ZNF385A: variants seen among roughly 807,000 people sequenced by gnomAD.
ZNF385A encodes the protein zinc finger protein 385A.
A neutral mutation model predicts 32.1 loss-of-function variants in ZNF385A; 14 were observed. The ratio of observed to expected loss-of-function variants is 0.44; its 90% CI spans 0.29 to 0.68. ZNF385A has a LOEUF of 0.68. ZNF385A is among the 30% of genes least tolerant of loss of function. The pLI is 0.14. For missense variants in ZNF385A, 406 were observed against 478.4 expected (o/e 0.85, Z 1.41); for synonymous variants, 197 against 202.7 (o/e 0.97, Z 0.24).
At chr12:54,374,851 C>T (rs190531465) in intron 2 of ZNF385A, among the ~76,000 whole-genome samples, 10 of 152,272 alleles carry the variant, frequency 6.6e-5, no homozygotes, top group Non-Finnish European at 1.5e-4. Context: ...GACAGGATGC[C>T]TGGGGTCCAA....
Position 54,371,084 on chromosome 12 carries a change from T to C in ZNF385A, c.617A>G (p.Lys206Arg). The C allele has an allele frequency of 1.2e-6, 2 of 1,607,506 alleles. No homozygotes were observed. Among genetic ancestry groups the C allele is most frequent in the Non-Finnish European group, 1.7e-6 (2 of 1,177,538 alleles). Residue 206 changes from lysine (K) to arginine (R), a missense_variant, in exon 5 of 7, where the codon AAG becomes AGG. Coordinates refer to ENST00000394313, the MANE Select transcript of ZNF385A (RefSeq NM_015481.3). ...LEAHNKGTKH[K>R]TILEARSGLG... ...CCCACTTCGGGCCTCCAGAATTGTCTTGTGCTTAGTACCTGGAGCCCAGAG... is the reference window on the plus strand; with the variant it reads ...CCCACTTCGGGCCTCCAGAATTGTCCTGTGCTTAGTACCTGGAGCCCAGAG...
At position 54,383,669 on chromosome 12, in the gene ZNF385A, C is replaced by T. The variant is rs190103254; in HGVS notation, c.87+759G>A. Among the ~76,000 whole-genome samples, 319 of 152,154 alleles carry T rather than the reference C, an allele frequency of 2.1e-3. 2 individuals carry two copies. In the East Asian group the frequency reaches 0.041, roughly 20 times the overall value. ...CAGCACTTTGGGAGGCTGAGGCAGG[C>T]GGATCACCTGAGGTCAGGAGTTTGA... On this transcript the variant is annotated intron_variant, in intron 1 of 6. Coordinates refer to ENST00000394313, the MANE Select transcript of ZNF385A (RefSeq NM_015481.3).
chr12:54,387,281 G>A (rs1477609819), upstream of ZNF385A, among the ~76,000 whole-genome samples: 1 of 152,172 alleles, frequency 6.6e-6, no homozygotes, highest in Admixed American at 6.5e-5. Context: ...GTGAGCGGGG[G>A]AGGGGAGGGG....
intron 1 of ZNF385A, among the ~76,000 whole-genome samples, chr12:54,390,548 A>G (rs888390024): frequency 5.3e-5 from 8 of 150,974 alleles, no homozygotes; most frequent in Non-Finnish European, 1.2e-4. Context: ...AGGGAGAGAG[A>G]GGGGCAGGTC....
chr12:54,385,375 C>T (rs1955424082), upstream of ZNF385A: 1 of 152,374 alleles, frequency 6.6e-6, no homozygotes, highest in Non-Finnish European at 1.5e-5. Context: ...ACCTTCTCCT[C>T]CTCCTCTCAG....
chr12:54,389,899 G>A (rs191911161), intron 1 of ZNF385A, among the ~76,000 whole-genome samples: 25 of 152,150 alleles, frequency 1.6e-4, no homozygotes, highest in African/African-American at 6.0e-4. Context: ...CCATTCAATA[G>A]ATAGGTGGAG....
intron 1 of ZNF385A, chr12:54,381,210 GAAAAAGAAAAAAAGAA>G (rs1315691040): frequency 8.2e-6 from 1 of 122,426 alleles, no homozygotes; most frequent in African/African-American, 3.2e-5. Flanking sequence ...AAAAAAAAAA[GAAAAAGAAAAAAAGAA>G]AAAAAGAAAA....
At chr12:54,379,569 CTT>C (rs1453741205) in intron 1 of ZNF385A, among the ~76,000 whole-genome samples, 1 of 152,108 alleles carries the variant, frequency 6.6e-6, no homozygotes, top group Non-Finnish European at 1.5e-5. Context: ...CCAGACGACC[CTT>C]CCCCAGCTTC....
Position 54,371,666 on chromosome 12 carries a change from C to T in ZNF385A, c.411G>A (p.Gln137=). ...LGPAPGSPEK[Q]PGSPSPPSIP... is the part of the protein sequence containing the mutation. Reference sequence around the variant, plus strand: ...TGCTGGGAGGGGATGGGGAGCCAGGCTGTTTCTCTGGGGATCCTGGGGCTG... The same window carrying T: ...TGCTGGGAGGGGATGGGGAGCCAGGTTGTTTCTCTGGGGATCCTGGGGCTG... Residue 137 remains glutamine (Q), a synonymous_variant, in exon 4 of 7, where the codon CAG becomes CAA. Coordinates refer to ENST00000394313, the MANE Select transcript of ZNF385A (RefSeq NM_015481.3). 1.9e-6 allele frequency: 3 copies of T among 1,609,928 alleles called. No homozygotes were observed. Among genetic ancestry groups the T allele is most frequent in the Non-Finnish European group, 2.5e-6 (3 of 1,178,748 alleles).
intron 1 of ZNF385A, chr12:54,391,183 C>G: frequency 6.8e-7 from 1 of 1,470,506 alleles, no homozygotes; most frequent in South Asian, 1.3e-5. Flanking sequence ...GGTGGGTGAC[C>G]CACAGAGAGG....
chr12:54,382,897 G>A lies in ZNF385A; in HGVS notation c.87+1531C>T, dbSNP rs543707874. On this transcript the variant is annotated intron_variant, in intron 1 of 6. Coordinates refer to ENST00000394313, the MANE Select transcript of ZNF385A (RefSeq NM_015481.3). The stretch of plus-strand genomic sequence containing the variant: ...ACAAAACAAATAGGCCAGGCACGGT[G>A]GCTCAAGCCTGTAATCCCAGCACTT... Among the ~76,000 whole-genome samples, 12 of 152,116 alleles carry A rather than the reference G, an allele frequency of 7.9e-5. No homozygotes were observed. The South Asian group carries it at 2.5e-3, about 32-fold the overall frequency.
intron 1 of ZNF385A, among the ~76,000 whole-genome samples, chr12:54,382,252 T>G (rs1955230332): frequency 6.6e-6 from 1 of 151,790 alleles, no homozygotes; most frequent in Non-Finnish European, 1.5e-5. Flanking sequence ...TTGTTTTTTT[T>G]TTTAGTAGAG....
chr12:54,388,169 C>G (rs1374164441), upstream of ZNF385A, among the ~76,000 whole-genome samples: 1 of 151,920 alleles, frequency 6.6e-6, no homozygotes, highest in African/African-American at 2.4e-5. Flanking sequence ...GTAATTACCT[C>G]CAGCAGATAG....
chr12:54,374,428 C>T (rs368787582), intron 2 of ZNF385A, among the ~76,000 whole-genome samples: 1 of 152,100 alleles, frequency 6.6e-6, no homozygotes, highest in Non-Finnish European at 1.5e-5. Flanking sequence ...CTGGTAGAGA[C>T]AGGGGGACCA....
At chr12:54,384,812 T>C (rs1275750341), upstream of ZNF385A, 4 of 1,218,088 alleles carry the variant, frequency 3.3e-6, no homozygotes, top group African/African-American at 1.6e-5. Context: ...CCAGCCTCCC[T>C]CCCCCAAACT....
chr12:54,384,655 C>T lies in ZNF385A; in HGVS notation c.-141G>A, dbSNP rs1037543732. ...GCCAGTCCCACTCCCTAGCCAGGGC[C>T]CCCACACTCAGAAGTGTCACCCTCA... On this transcript the variant is annotated 5_prime_UTR_variant, in exon 1 of 7. Transcript: ENST00000394313. 7 of 1,414,160 alleles carry T rather than the reference C, an allele frequency of 4.9e-6. No individual in the cohort carries two copies. The highest frequency in any genetic ancestry group is 5.5e-6 in the Non-Finnish European group (6 of 1,088,714). 87.6% of individuals were successfully genotyped at this position (1,414,160 alleles called of 1,614,324 possible).
At chr12:54,371,376 G>A in intron 4 of ZNF385A, 97 bp downstream of exon 4, 1 of 1,489,892 alleles carries the variant, frequency 6.7e-7, no homozygotes, top group Non-Finnish European at 9.0e-7. Flanking sequence ...ATAGGTCTTA[G>A]ATGGTCTAGG....
Position 54,375,819 on chromosome 12 carries a change from G to A in ZNF385A, c.198+25C>T, listed in dbSNP as rs754674136. ...CTGCTGCCCCTGCCCCACCCACTGG[G>A]TAGATGAGCAGCTTGGCTTCTTACC... On this transcript the variant is annotated intron_variant, in intron 2 of 6. Transcript: ENST00000394313. 9 of 1,605,088 alleles carry A rather than the reference G, an allele frequency of 5.6e-6. 1 individual carries two copies. The South Asian group carries it at 9.9e-5, about 18-fold the overall frequency.
Position 54,374,088 on chromosome 12 carries a change from G to A in ZNF385A, c.246C>T (p.Val82=). 3.8e-6 allele frequency: 6 copies of A among 1,595,976 alleles called. No homozygotes were observed. Among genetic ancestry groups the A allele is most frequent in the Non-Finnish European group, 5.1e-6 (6 of 1,168,280 alleles). ...HYKGNRHARR[V]KGIEAAKTRG... ...TGGTCTTGGCAGCCTCAATGCCTTT[G>A]ACTCGTCGGGCGTGGCGATTACCTT... Residue 82 remains valine, a synonymous_variant, in exon 3 of 7, where the codon GTC becomes GTT. Transcript: ENST00000394313.
Sources: gnomAD v4.1 joint callset for allele counts (sites outside exome capture counted in the v4.1 genomes callset) on GRCh38, gnomAD v4.1.1 for gene constraint, MANE v1.5 for transcripts, NCBI Gene and HGNC (gene_info 2026-07-23, HGNC 2026-07-21) for gene names.